Variants in ZZEF1 observed in about 807,000 individuals in gnomAD.
ZZEF1 encodes the protein zinc finger ZZ-type and EF-hand domain-containing protein 1.
In ZZEF1, 157 loss-of-function variants were observed where a neutral mutation model predicts 342.8. That is an observed-to-expected ratio of 0.46 (90% CI 0.40 to 0.52). The LOEUF (loss-of-function observed/expected upper bound fraction) is 0.52. Among genes scored for constraint, ZZEF1 ranks in the 20% least tolerant of loss-of-function variants. The pLI, the probability that ZZEF1 is intolerant of heterozygous loss-of-function variation, is 0.00. For missense variants in ZZEF1, 3,480 were observed against 3,725.6 expected, an observed-to-expected ratio of 0.93 and a Z score of 1.72; for synonymous variants, 1,505 against 1,429.1, an observed-to-expected ratio of 1.05 and a Z score of -1.20.
At chr17:4,129,526 A>T (rs1293255105) in intron 1 of ZZEF1, among the ~76,000 whole-genome samples, 6 of 152,152 alleles carry the variant, frequency 3.9e-5, no homozygotes, top group Admixed American at 3.9e-4. Context: ...GTAGTCCTTC[A>T]ACATAAATAA....
At chr17:4,071,966 GAA>G (rs1298441585) in intron 25 of ZZEF1, among the ~76,000 whole-genome samples, 2 of 152,116 alleles carry the variant, frequency 1.3e-5, no homozygotes, top group African/African-American at 4.8e-5. Context: ...GGAGGAATAT[GAA>G]AAGTCAATGA....
chr17:4,044,077 G>T, intron 38 of ZZEF1, 147 bp downstream of exon 38: 1 of 755,898 alleles, frequency 1.3e-6, no homozygotes, highest in Non-Finnish European at 2.2e-6. Flanking sequence ...CATTCGAGGT[G>T]TCATCAGCAC....
At chr17:4,093,980 C>T (rs1161806365) in intron 11 of ZZEF1, among the ~76,000 whole-genome samples, 1 of 152,150 alleles carries the variant, frequency 6.6e-6, no homozygotes, top group Non-Finnish European at 1.5e-5. Context: ...CCCTTGGCTT[C>T]ATGGGACACA....
Position 4,056,349 on chromosome 17 carries a change from A to G in ZZEF1, c.5166-4T>C. On this transcript the variant is annotated splice_polypyrimidine_tract_variant and splice_region_variant and intron_variant, in intron 32 of 54. Transcript: ENST00000381638. ...CTCATCTTCTTCACTCCATTGGCTG[A>G]AAGAAGGACATAAAGAGAGAAAAGC... 1 of 1,584,602 alleles carries G rather than the reference A, an allele frequency of 6.3e-7. No individual in the cohort carries two copies. The highest frequency in any genetic ancestry group is 8.6e-7 in the Non-Finnish European group (1 of 1,165,752).
rs1052931237 is a variant in ZZEF1, at chr17:4,091,799, G to A, written c.1914-969C>T. ...CTCAAAAAAATATAAAAATAAGGCC[G>A]GGCACGGTGGCTCACACCTGTAATC... is the stretch of plus-strand genomic sequence containing the variant. On this transcript the variant is annotated intron_variant, in intron 11 of 54. Coordinates refer to ENST00000381638, the MANE Select transcript of ZZEF1 (RefSeq NM_015113.4). Among the ~76,000 whole-genome samples, 32 of 150,548 alleles carry A rather than the reference G, an allele frequency of 2.1e-4. 1 individual carries two copies. Among genetic ancestry groups the A allele is most frequent in the Admixed American group, 1.0e-3 (15 of 15,024 alleles).
intron 19 of ZZEF1, among the ~76,000 whole-genome samples, chr17:4,077,196 A>ATT (rs72386625): frequency 2.0e-5 from 3 of 151,392 alleles, no homozygotes; most frequent in Admixed American, 6.6e-5. Flanking sequence ...TTTTAAAGGG[A>ATT]TTTTTTTTTG....
Position 4,032,968 on chromosome 17 carries a change from C to T in ZZEF1, c.6619G>A (p.Glu2207Lys). 1 of 1,599,224 alleles carries T rather than the reference C, an allele frequency of 6.3e-7. No individual in the cohort carries two copies. Among genetic ancestry groups the T allele is most frequent in the East Asian group, 2.3e-5 (1 of 44,274 alleles). The change falls in exon 41 of 55, where the codon GAG becomes AAG. Residue 2207 changes from glutamate (E) to lysine (K), a missense_variant. Glu to Lys is a moderately conservative substitution (Grantham distance 56, BLOSUM62 1). Transcript: ENST00000381638. ...GCACTGTTGAGTGACCGCAGGATCTCTGCCATGGAGCACGCCCAGTCCAAG... is the reference window on the plus strand; with the variant it reads ...GCACTGTTGAGTGACCGCAGGATCTTTGCCATGGAGCACGCCCAGTCCAAG... Reference protein sequence around the residue: ...VGLDWACSMAEILRSLNSAPL... With the variant: ...VGLDWACSMAKILRSLNSAPL...
chr17:4,090,670 AAC>A (rs1275045674), intron 12 of ZZEF1, 47 bp downstream of exon 12: 1 of 1,483,936 alleles, frequency 6.7e-7, no homozygotes, highest in East Asian at 2.3e-5. Flanking sequence ...CTACTCAAAA[AAC>A]ACAGAATAAA....
intron 3 of ZZEF1, 127 bp from the exon 4 acceptor site, chr17:4,114,597 TCTC>T (rs1388674017): frequency 3.9e-6 from 3 of 762,752 alleles, no homozygotes; most frequent in Non-Finnish European, 5.7e-6. Context: ...TTCCTTAAAA[TCTC>T]CTTCCAGATC....
At chr17:4,088,172 G>A (rs532545860) in intron 13 of ZZEF1, among the ~76,000 whole-genome samples, 1 of 152,282 alleles carries the variant, frequency 6.6e-6, no homozygotes, top group African/African-American at 2.4e-5. Context: ...GGTGATGGCT[G>A]TAAGAATCTT....
At chr17:4,057,737 C>T (rs2057195998) in intron 32 of ZZEF1, among the ~76,000 whole-genome samples, 1 of 152,184 alleles carries the variant, frequency 6.6e-6, no homozygotes, top group South Asian at 2.1e-4. Flanking sequence ...GTTCTAAACA[C>T]TGAAATACAT....
chr17:4,093,431 T>C (rs1482507617), intron 11 of ZZEF1, among the ~76,000 whole-genome samples: 1 of 152,264 alleles, frequency 6.6e-6, no homozygotes, highest in African/African-American at 2.4e-5. Flanking sequence ...AAGTGCCTGA[T>C]ACGTGGTGAG....
At chr17:4,114,202 A>T in intron 4 of ZZEF1, 97 bp downstream of exon 4, 1 of 987,562 alleles carries the variant, frequency 1.0e-6, no homozygotes, top group Non-Finnish European at 1.4e-6. Context: ...TTGATTCTTA[A>T]AGCATCTTCA....
At position 4,064,479 on chromosome 17, in the gene ZZEF1, G is replaced by A. The variant is rs2057350634; in HGVS notation, c.4600C>T (p.Arg1534Trp). 7 of 1,614,160 alleles carry A rather than the reference G, an allele frequency of 4.3e-6. No homozygotes were observed. Among genetic ancestry groups the A allele is most frequent in the Middle Eastern group, 1.6e-4 (1 of 6,062 alleles). ...TCCATGGATCGAAAGGAGAGCAGCC[G>A]GAGTCGCCCTCGGGTGAAGGGAGGC... is the stretch of plus-strand genomic sequence containing the variant. ...RRPPFTRGRL[R>W]LLSFRSMEEA... Residue 1534 changes from arginine (R) to tryptophan (W), a missense_variant, in exon 29 of 55, where the codon CGG (arginine) becomes TGG (tryptophan). This residue lies in a region of ZZEF1 where 1,528 missense variants were observed against 1,624.1 expected (regional missense o/e 0.94). Transcript: ENST00000381638.
chr17:4,009,554 G>A, intron 53 of ZZEF1, 50 bp downstream of exon 53: 1 of 1,608,524 alleles, frequency 6.2e-7, no homozygotes, highest in African/African-American at 1.3e-5. Context: ...AGCAGAGGGA[G>A]CAAACGCACA....
intron 5 of ZZEF1, among the ~76,000 whole-genome samples, chr17:4,111,658 C>CA (rs1210363546): frequency 1.5e-4 from 8 of 53,546 alleles, no homozygotes; most frequent in East Asian, 3.8e-4. Context: ...GGCTCTGTCT[C>CA]AAAAAAAAAA....
chr17:4,051,169 T>C (rs2057038610), intron 35 of ZZEF1, 126 bp from the exon 36 acceptor site: 1 of 1,248,208 alleles, frequency 8.0e-7, no homozygotes, highest in African/African-American at 1.5e-5. Context: ...AGGATGCGCT[T>C]ACTGAAAATG....
chr17:4,112,406 A>G (rs1567851963), intron 5 of ZZEF1, among the ~76,000 whole-genome samples: 3 of 152,098 alleles, frequency 2.0e-5, no homozygotes, highest in African/African-American at 7.2e-5. Context: ...TTGGCCTCCC[A>G]AAGTGCTGGG....
In ZZEF1 at chr17:4,088,670, A is replaced by T. The variant is rs2057886306; in HGVS notation, c.2241+8T>A. ...AGGAATGCCGTCTAACAACTGAGGA[A>T]GCCCTACCAGGTCATGGGCGAGCTG... On this transcript the variant is annotated splice_region_variant and intron_variant, in intron 13 of 54. Coordinates refer to ENST00000381638, the MANE Select transcript of ZZEF1 (RefSeq NM_015113.4). 1 of 1,613,144 alleles carries T rather than the reference A, an allele frequency of 6.2e-7. No individual in the cohort carries two copies. The highest frequency in any genetic ancestry group is 8.5e-7 in the Non-Finnish European group (1 of 1,179,866).
Sources: allele counts gnomAD v4.1 joint callset (sites outside exome capture counted in the v4.1 genomes callset), GRCh38; gene constraint gnomAD v4.1.1; regional missense constraint gnomAD v4.1.1; transcripts MANE v1.5; gene names NCBI Gene and HGNC (gene_info 2026-07-23, HGNC 2026-07-21).